TRDN: variants seen among roughly 807,000 people sequenced by gnomAD.
TRDN encodes triadin in skeletal muscle.
In TRDN, 161 loss-of-function variants were observed where a neutral mutation model predicts 149.7. That is an observed-to-expected ratio of 1.08 (90% CI 0.95 to 1.23). The LOEUF (loss-of-function observed/expected upper bound fraction) is 1.23. Among genes scored for constraint, TRDN ranks in the 50% most tolerant of loss-of-function variants. The pLI is 0.00. For synonymous variants in TRDN, 294 were observed against 250.5 expected, an observed-to-expected ratio of 1.17 and a Z score of -1.64; for missense variants, 896 against 823.5, an observed-to-expected ratio of 1.09 and a Z score of -1.08.
chr6:123,572,545 A>C (rs1311482119), intron 1 of TRDN, among the ~76,000 whole-genome samples: 1 of 152,124 alleles, frequency 6.6e-6, no homozygotes, highest in African/African-American at 2.4e-5. Context: ...ATCTGGAACA[A>C]CTATTTCATG....
At chr6:123,585,356 G>T (rs1783410004) in intron 1 of TRDN, among the ~76,000 whole-genome samples, 1 of 152,002 alleles carries the variant, frequency 6.6e-6, no homozygotes, top group Non-Finnish European at 1.5e-5. Flanking sequence ...CTTTTAAGAG[G>T]TTTAGAAGCC....
chr6:123,274,466 C>T (rs1459668166), intron 27 of TRDN, among the ~76,000 whole-genome samples, 175 bp downstream of exon 27: 4 of 151,948 alleles, frequency 2.6e-5, no homozygotes, highest in Non-Finnish European at 5.9e-5. Context: ...GGGAATATTC[C>T]CATTCTCACC....
chr6:123,278,366 A>T lies in TRDN; in HGVS notation c.1538-19T>A, dbSNP rs142237914. The T allele has an allele frequency of 1.0e-4, 129 of 1,248,690 alleles. No individual in the cohort carries two copies. In the African/African-American group the frequency reaches 1.9e-3, roughly 18 times the overall value. The allele number at this position is 1,248,690 out of a possible 1,614,324, so 77.4% of individuals were successfully genotyped here. A position where few individuals can be genotyped will look rare whatever the true frequency, so the allele number is the denominator to read the frequency against. On this transcript the variant is annotated intron_variant, in intron 25 of 40. Coordinates refer to ENST00000334268, the MANE Select transcript of TRDN (RefSeq NM_006073.4). ...TGTAGTTCTAAAAATATAGATGAAC[A>T]TTAGTAACAATGATTATAGAAAGAT...
intron 19 of TRDN, among the ~76,000 whole-genome samples, chr6:123,375,033 T>C (rs1781457488): frequency 6.6e-6 from 1 of 152,194 alleles, no homozygotes; most frequent in Non-Finnish European, 1.5e-5. Flanking sequence ...AGTTACTTCA[T>C]CAAACTAAGA....
intron 4 of TRDN, among the ~76,000 whole-genome samples, chr6:123,542,180 T>C (rs138233522): frequency 3.3e-4 from 50 of 152,346 alleles, no homozygotes; most frequent in African/African-American, 1.2e-3. Flanking sequence ...TCCTCTGCCA[T>C]TGACATGCAT....
intron 9 of TRDN, among the ~76,000 whole-genome samples, chr6:123,479,650 G>GC (rs1233073083): frequency 6.6e-6 from 1 of 152,126 alleles, no homozygotes; most frequent in Non-Finnish European, 1.5e-5. Flanking sequence ...CCAGTGCAGT[G>GC]CTCTTATACA....
intron 1 of TRDN, among the ~76,000 whole-genome samples, chr6:123,582,883 G>A (rs1384092899): frequency 3.3e-5 from 5 of 152,010 alleles, no homozygotes; most frequent in Non-Finnish European, 2.9e-5. Context: ...TGGGAACCTA[G>A]AGTGGGAGAG....
At chr6:123,448,667 C>A (rs910223579) in intron 10 of TRDN, among the ~76,000 whole-genome samples, 2 of 150,230 alleles carry the variant, frequency 1.3e-5, no homozygotes, top group Non-Finnish European at 3.0e-5. Context: ...TAGCAGAAGA[C>A]AAAAGGCCAC....
chr6:123,317,598 C>T (rs1051058364), intron 23 of TRDN, among the ~76,000 whole-genome samples: 6 of 151,908 alleles, frequency 3.9e-5, no homozygotes, highest in African/African-American at 1.2e-4. Flanking sequence ...ATTTCTCCCC[C>T]TTTTTGACAC....
intron 38 of TRDN, among the ~76,000 whole-genome samples, chr6:123,233,701 G>T (rs1182096899): frequency 2.6e-5 from 4 of 152,028 alleles, no homozygotes; most frequent in Non-Finnish European, 5.9e-5. Flanking sequence ...GGAGACTTCA[G>T]CCAATTTTTT....
At chr6:123,439,822 A>T (rs1007497055) in intron 10 of TRDN, 2 of 152,224 alleles carry the variant, frequency 1.3e-5, no homozygotes, top group African/African-American at 4.8e-5. Flanking sequence ...ACTAATACAT[A>T]GTTGTTGAAA....
intron 20 of TRDN, among the ~76,000 whole-genome samples, chr6:123,361,457 C>T (rs1241710374): frequency 6.6e-6 from 1 of 151,756 alleles, no homozygotes; most frequent in Non-Finnish European, 1.5e-5. Context: ...ACCACCATGG[C>T]ATGTGTATAC....
At chr6:123,226,445 T>G (rs1182823625) in intron 38 of TRDN, among the ~76,000 whole-genome samples, 1 of 151,828 alleles carries the variant, frequency 6.6e-6, no homozygotes, top group East Asian at 1.9e-4. Context: ...AAACTTATTC[T>G]TTGGATCCAT....
chr6:123,277,839 T>C (rs1417000849), intron 26 of TRDN, among the ~76,000 whole-genome samples: 1 of 152,174 alleles, frequency 6.6e-6, no homozygotes, highest in Non-Finnish European at 1.5e-5. Flanking sequence ...GGAATTTTAC[T>C]ACAGTAGCCC....
At chr6:123,453,587 T>A (rs936932556) in intron 10 of TRDN, among the ~76,000 whole-genome samples, 1 of 146,338 alleles carries the variant, frequency 6.8e-6, no homozygotes, top group Non-Finnish European at 1.5e-5. Context: ...AGAATGGCCA[T>A]AATAAAAAAA....
chr6:123,472,360 T>C (rs1230475425), intron 9 of TRDN, among the ~76,000 whole-genome samples: 1 of 152,306 alleles, frequency 6.6e-6, no homozygotes, highest in African/African-American at 2.4e-5. Flanking sequence ...ACCCGAATAC[T>C]GCGCTTTTCC....
intron 9 of TRDN, among the ~76,000 whole-genome samples, chr6:123,486,519 A>G (rs1446097269): frequency 6.6e-6 from 1 of 152,082 alleles, no homozygotes; most frequent in Non-Finnish European, 1.5e-5. Flanking sequence ...AGCACTTGGC[A>G]TAATGTTCTG....
Position 123,218,642 on chromosome 6 carries a change from C to G in TRDN, c.2149G>C (p.Gly717Arg). ...TTCTGTCCTGGAGAATTTGCTTGACCAGAGCTCTCTCCAGGGCGGTCTGCA... is the reference window on the plus strand; with the variant it reads ...TTCTGTCCTGGAGAATTTGCTTGACGAGAGCTCTCTCCAGGGCGGTCTGCA... ...TPADRPGESS[G>R]QANSPGQKQQ... Residue 717 changes from glycine (G) to arginine (R), a missense_variant, in exon 41 of 41, where the codon GGT becomes CGT. Gly to Arg is a moderately radical substitution (Grantham distance 125, BLOSUM62 -2). Coordinates refer to ENST00000334268, the MANE Select transcript of TRDN (RefSeq NM_006073.4). 1 of 1,611,436 alleles carries G rather than the reference C, an allele frequency of 6.2e-7. No homozygotes were observed. Among genetic ancestry groups the G allele is most frequent in the Non-Finnish European group, 8.5e-7 (1 of 1,178,506 alleles).
intron 29 of TRDN, among the ~76,000 whole-genome samples, chr6:123,271,409 T>C (rs954003669): frequency 1.3e-5 from 2 of 151,976 alleles, no homozygotes; most frequent in African/African-American, 4.8e-5. Context: ...GAAGTTTTCC[T>C]AACTTAAATT....
Sources: gnomAD v4.1 joint callset for allele counts (sites outside exome capture counted in the v4.1 genomes callset) on GRCh38, gnomAD v4.1.1 for gene constraint, MANE v1.5 for transcripts, NCBI Gene and HGNC (gene_info 2026-07-23, HGNC 2026-07-21) for gene names.